The following SPIN1 variants were observed in gnomAD, a reference collection of about 807,000 sequenced individuals.
SPIN1 encodes spindlin 1.
Under a neutral mutation model 26.0 loss-of-function variants are expected in SPIN1, and 3 were observed. The ratio of observed to expected loss-of-function variants is 0.12; its 90% CI spans 0.05 to 0.30. The LOEUF (loss-of-function observed/expected upper bound fraction) is 0.30, where lower values mean the gene tolerates loss of function less well. SPIN1 is among the 10% of genes least tolerant of loss of function. SPIN1 has a pLI of 1.00. For synonymous variants in SPIN1, 101 were observed against 116.5 expected (o/e 0.87, Z 0.86); for missense variants, 126 against 333.4 (o/e 0.38, Z 4.84).
At chr9:88,460,715 C>G (rs1029182826) in intron 3 of SPIN1, among the ~76,000 whole-genome samples, 1 of 152,172 alleles carries the variant, frequency 6.6e-6, no homozygotes, top group East Asian at 1.9e-4. Flanking sequence ...TTCCTCCCTC[C>G]TCTACCTTTT....
chr9:88,416,939 A>G (rs917450911), intron 1 of SPIN1, among the ~76,000 whole-genome samples: 7 of 152,190 alleles, frequency 4.6e-5, no homozygotes, highest in Non-Finnish European at 1.0e-4. Context: ...GAAATTTTCT[A>G]CACATAGAAG....
intron 2 of SPIN1, among the ~76,000 whole-genome samples, chr9:88,437,441 T>G (rs960941477): frequency 1.1e-4 from 16 of 151,146 alleles, no homozygotes; most frequent in Non-Finnish European, 7.4e-5. Flanking sequence ...GAAGCTTCAG[T>G]GAGCACTGAC....
chr9:88,424,896 A>C (rs1564028957), intron 1 of SPIN1, among the ~76,000 whole-genome samples: 1 of 152,182 alleles, frequency 6.6e-6, no homozygotes, highest in Non-Finnish European at 1.5e-5. Context: ...AGTAAAGCCA[A>C]TACCATAATC....
intron 5 of SPIN1, among the ~76,000 whole-genome samples, chr9:88,469,318 A>G (rs1828732815): frequency 6.6e-6 from 1 of 152,296 alleles, no homozygotes; most frequent in South Asian, 2.1e-4. Flanking sequence ...GCGTGGCCCC[A>G]GGTGTCTGGG....
rs1554695444 is a variant in SPIN1 at position 88,441,419 on chromosome 9, G to GCA, written c.53-7521_53-7520insAC. Among the ~76,000 whole-genome samples the GCA allele has an allele frequency of 1.4e-4, 21 of 149,302 alleles. 1 individual carries two copies. Among genetic ancestry groups the GCA allele is most frequent in the African/African-American group, 5.3e-4 (21 of 39,474 alleles). Reference sequence around the variant, plus strand: ...CATTCGTGTGTGTGTGTGTGTGCGCGCGCGCGCGCCCATGTGTGTGTACAT... The same window carrying GCA: ...CATTCGTGTGTGTGTGTGTGTGCGCGCACGCGCGCGCCCATGTGTGTGTACAT... On this transcript the variant is annotated intron_variant, in intron 2 of 5. Transcript: ENST00000375859.
At chr9:88,437,218 CCGGG>C (rs1828020768) in intron 2 of SPIN1, among the ~76,000 whole-genome samples, 1 of 151,890 alleles carries the variant, frequency 6.6e-6, no homozygotes, top group African/African-American at 2.4e-5. Context: ...CTGCTATAGG[CCGGG>C]GGTGGTGGCT....
chr9:88,458,671 A>G (rs576592503), intron 3 of SPIN1, among the ~76,000 whole-genome samples: 2 of 152,130 alleles, frequency 1.3e-5, no homozygotes, highest in African/African-American at 2.4e-5. Context: ...GCCTCTAGAG[A>G]GAGAGAGAAA....
Position 88,468,364 on chromosome 9 carries a change from AT to A in SPIN1, c.356-7del, listed in dbSNP as rs1419702409. 1 of 1,477,304 alleles carries A rather than the reference AT, an allele frequency of 6.8e-7. No homozygotes were observed. Among genetic ancestry groups the A allele is most frequent in the East Asian group, 2.4e-5 (1 of 41,376 alleles). The allele number at this position is 1,477,304 out of a possible 1,614,324, so 91.5% of individuals were successfully genotyped here. The stretch of plus-strand genomic sequence containing the variant: ...TGTCAACTTTTTTTTTTTTTTTTTA[AT>A]CCCCAGCGACATCTCGAATCAGCGA... On this transcript the variant is annotated splice_polypyrimidine_tract_variant and splice_region_variant and intron_variant, in intron 4 of 5. Transcript: ENST00000375859.
intron 1 of SPIN1, among the ~76,000 whole-genome samples, chr9:88,419,328 G>A (rs1260902620): frequency 6.6e-6 from 1 of 151,936 alleles, no homozygotes; most frequent in Non-Finnish European, 1.5e-5. Flanking sequence ...CTTTAAATTA[G>A]CCAATTGGAA....
rs112647684 is a variant in SPIN1 at position 88,419,781 on chromosome 9, ATCT to A, written c.-158-6597_-158-6595del. Among the ~76,000 whole-genome samples, 120 of 152,266 alleles carry A rather than the reference ATCT, an allele frequency of 7.9e-4. 1 individual carries two copies. The highest frequency in any genetic ancestry group is 2.8e-3 in the African/African-American group (117 of 41,550). Reference sequence around the variant, plus strand: ...TAGGTGGTGCCATTGTTTTGAGCTAATCTTCTGCACTGGGCCATGATAGACCAG... The same window carrying A: ...TAGGTGGTGCCATTGTTTTGAGCTAATCTGCACTGGGCCATGATAGACCAG... On this transcript the variant is annotated intron_variant, in intron 1 of 5. Transcript: ENST00000375859.
chr9:88,470,917 G>T (rs940543764), intron 5 of SPIN1, among the ~76,000 whole-genome samples: 1 of 152,172 alleles, frequency 6.6e-6, no homozygotes, highest in Non-Finnish European at 1.5e-5. Context: ...AATATCATCT[G>T]TGGTGAAATG....
intron 1 of SPIN1, chr9:88,410,769 A>G: frequency 8.4e-7 from 1 of 1,194,384 alleles, no homozygotes; most frequent in East Asian, 2.3e-5. Context: ...CATTATAGCC[A>G]TCCCCACTGC....
At chr9:88,434,867 C>T (rs1239071160) in intron 2 of SPIN1, among the ~76,000 whole-genome samples, 1 of 152,068 alleles carries the variant, frequency 6.6e-6, no homozygotes, top group Non-Finnish European at 1.5e-5. Context: ...GCCTGGCCAA[C>T]ATAGCGAAAC....
At chr9:88,401,663 T>A (rs949710476) in intron 1 of SPIN1, among the ~76,000 whole-genome samples, 6 of 152,324 alleles carry the variant, frequency 3.9e-5, no homozygotes, top group African/African-American at 1.4e-4. Context: ...AAACCATCAT[T>A]TCCCAAATGT....
intron 2 of SPIN1, among the ~76,000 whole-genome samples, chr9:88,442,262 T>G (rs1828149941): frequency 6.6e-6 from 1 of 151,928 alleles, no homozygotes; most frequent in Non-Finnish European, 1.5e-5. Flanking sequence ...TATAAAACTG[T>G]AAGTTAGTAG....
At chr9:88,437,514 A>G (rs548086446) in intron 2 of SPIN1, among the ~76,000 whole-genome samples, 15 of 143,980 alleles carry the variant, frequency 1.0e-4, no homozygotes, top group African/African-American at 3.3e-4. Flanking sequence ...AAAAAAAAAG[A>G]AGGAAAGAAA....
intron 2 of SPIN1, among the ~76,000 whole-genome samples, chr9:88,434,439 C>T (rs946071325): frequency 1.2e-4 from 14 of 116,164 alleles, no homozygotes; most frequent in Non-Finnish European, 9.3e-5. Context: ...TTATAAATTA[C>T]GGTTTTCTTC....
intron 3 of SPIN1, 83 bp from the exon 4 acceptor site, chr9:88,462,413 A>G (rs1391105224): frequency 1.2e-4 from 188 of 1,534,226 alleles, no homozygotes; most frequent in Non-Finnish European, 1.1e-5. Flanking sequence ...CTGTAATGAG[A>G]TCATGCTAGC....
chr9:88,471,155 T>C (rs940619272), intron 5 of SPIN1, among the ~76,000 whole-genome samples: 1 of 152,216 alleles, frequency 6.6e-6, no homozygotes, highest in African/African-American at 2.4e-5. Context: ...GTCCTAAGAA[T>C]CTTTTGCCAA....
Sources: allele counts gnomAD v4.1 joint callset (sites outside exome capture counted in the v4.1 genomes callset), GRCh38; gene constraint gnomAD v4.1.1; transcripts MANE v1.5; gene names NCBI Gene and HGNC (gene_info 2026-07-23, HGNC 2026-07-21).